BRD3: variants seen among roughly 807,000 people sequenced by gnomAD.
BRD3 encodes the protein bromodomain containing 3.
A neutral mutation model predicts 66.8 loss-of-function variants in BRD3; 17 were observed. The ratio of observed to expected loss-of-function variants is 0.25; its 90% CI spans 0.17 to 0.38. BRD3 has a LOEUF of 0.38. Ranked by LOEUF, BRD3 falls within the 10% of genes least tolerant of loss-of-function variation. The probability of loss-of-function intolerance (pLI) is 1.00; values close to 1 mark genes in which losing one functional copy is unlikely to be tolerated. For synonymous variants in BRD3, 421 were observed against 393.2 expected (o/e 1.07, Z -0.84); for missense variants, 713 against 956.1 (o/e 0.75, Z 3.35).
chr9:134,050,704 C>T (rs981817331), intron 4 of BRD3, 116 bp from the exon 5 acceptor site: 7 of 812,242 alleles, frequency 8.6e-6, no homozygotes, highest in South Asian at 3.4e-5. Flanking sequence ...CCAAGACCGC[C>T]GGCCAGAAGA....
At chr9:134,044,725 A>G (rs1192405132) in intron 7 of BRD3, among the ~76,000 whole-genome samples, 4 of 152,278 alleles carry the variant, frequency 2.6e-5, no homozygotes, top group East Asian at 3.9e-4. Context: ...ACACACAAAT[A>G]TCTCTGTGAG....
At chr9:134,051,533 A>G (rs200899231) in intron 4 of BRD3, 29 bp downstream of exon 4, 4 of 1,502,766 alleles carry the variant, frequency 2.7e-6, no homozygotes, top group Non-Finnish European at 3.5e-6. Context: ...AGAGAGGCCC[A>G]GCCCCTCGCC....
chr9:134,040,213 T>C lies in BRD3; in HGVS notation c.1464A>G (p.Pro488=). The C allele has an allele frequency of 1.3e-6, 2 of 1,587,776 alleles. No homozygotes were observed. Among genetic ancestry groups the C allele is most frequent in the East Asian group, 2.3e-5 (1 of 43,916 alleles). The change falls in exon 9 of 12, where the codon CCA becomes CCG. Residue 488 remains proline, a synonymous_variant. Coordinates refer to ENST00000303407, the MANE Select transcript of BRD3 (RefSeq NM_007371.4). ...AALSQAPVNK[P]KKKKEKKEKE... is the part of the protein sequence containing the mutation. ...TCTCCTTCTTCTCCTTCTTCTTCTT[T>C]GGTTTGTTTACTGGGGCCTGAGACA...
At position 134,036,036 on chromosome 9, in the gene BRD3, C is replaced by T. The variant is rs146659036; in HGVS notation, c.1932G>A (p.Pro644=). Residue 644 remains proline, a synonymous_variant, in exon 10 of 12, where the codon CCG becomes CCA. Coordinates refer to ENST00000303407, the MANE Select transcript of BRD3 (RefSeq NM_007371.4). ...CGCTCCACGCAGGCAACTTACAGAA[C>T]GGTTTCCTTTGCTTTTTCTGTAAAC... ...KSCLQKKQRK[P]FSASGKKQAA... is the part of the protein sequence containing the mutation. 1.5e-5 allele frequency: 24 copies of T among 1,598,400 alleles called. No individual in the cohort carries two copies. Among genetic ancestry groups the T allele is most frequent in the South Asian group, 2.2e-5 (2 of 89,126 alleles).
Position 134,036,270 on chromosome 9 carries a change from C to T in BRD3, c.1698G>A (p.Glu566=). Residue 566 remains glutamate, a synonymous_variant, in exon 10 of 12, where the codon GAG becomes GAA. Coordinates refer to ENST00000303407, the MANE Select transcript of BRD3 (RefSeq NM_007371.4). The part of the protein sequence containing the change: ...QASASYDSEE[E]EEGLPMSYDE... ...CGTAGCTCATGGGCAGGCCCTCCTC[C>T]TCTTCCTCTGAGTCGTAGGAGGCAG... 1.2e-6 allele frequency: 2 copies of T among 1,613,804 alleles called. No homozygotes were observed. The highest frequency in any genetic ancestry group is 8.5e-7 in the Non-Finnish European group (1 of 1,179,880).
intron 3 of BRD3, among the ~76,000 whole-genome samples, 166 bp from the exon 4 acceptor site, chr9:134,051,875 G>GTGTGTGTGTGTGTA (rs1554829362): frequency 9.9e-6 from 1 of 101,012 alleles, no homozygotes; most frequent in African/African-American, 4.1e-5. Flanking sequence ...GTGTGTGTGT[G>GTGTGTGTGTGTGTA]TGTTGTTTTT....
Position 134,045,312 on chromosome 9 carries a change from G to A in BRD3, c.1196C>T (p.Ala399Val). 1 of 1,613,480 alleles carries A rather than the reference G, an allele frequency of 6.2e-7. No individual in the cohort carries two copies. The highest frequency in any genetic ancestry group is 8.5e-7 in the Non-Finnish European group (1 of 1,180,010). Residue 399 changes from alanine to valine, a missense_variant, in exon 7 of 12, where the codon GCC (alanine) becomes GTC (valine). By Grantham distance (64) the Ala-to-Val change is moderately conservative. Transcript: ENST00000303407. This position sits in a 1 kb window ranked among gnomAD's most constrained non-coding sequence, Gnocchi z 4.8. ...GGTTACCTGGAGCTTCCGGGCCATG[G>A]CCACAACCTCGTGGTCTGGGGGATT... Reference protein sequence around the residue: ...KYNPPDHEVVAMARKLQDVFE... With the variant: ...KYNPPDHEVVVMARKLQDVFE...
intron 1 of BRD3, among the ~76,000 whole-genome samples, chr9:134,060,038 C>T (rs952799103): frequency 3.9e-5 from 6 of 152,186 alleles, no homozygotes; most frequent in African/African-American, 1.4e-4. Flanking sequence ...GGCTCAGAGA[C>T]CCTCCCTGGG....
chr9:134,060,587 GACACACACAC>G (rs10661799), intron 1 of BRD3, among the ~76,000 whole-genome samples: 6 of 143,780 alleles, frequency 4.2e-5, no homozygotes, highest in Non-Finnish European at 7.6e-5. Flanking sequence ...GCAAGACCCT[GACACACACAC>G]ACACACACAC....
chr9:134,061,535 C>T (rs1334202876), intron 1 of BRD3, among the ~76,000 whole-genome samples: 1 of 152,212 alleles, frequency 6.6e-6, no homozygotes, highest in Non-Finnish European at 1.5e-5. Context: ...TAGGGGAGGC[C>T]TTTCCCAGGG....
At chr9:134,064,025 T>C (rs1442266384) in intron 1 of BRD3, among the ~76,000 whole-genome samples, 1 of 152,186 alleles carries the variant, frequency 6.6e-6, no homozygotes, top group Non-Finnish European at 1.5e-5. Context: ...CCGAAGGCCC[T>C]GTGAGGAGGC....
chr9:134,033,739 C>T lies in BRD3; in HGVS notation c.2066-34G>A, dbSNP rs759105893. The T allele has an allele frequency of 1.4e-5, 10 of 697,934 alleles. No homozygotes were observed. In the East Asian group the frequency reaches 2.7e-4, roughly 19 times the overall value. The allele number at this position is 697,934 out of a possible 1,614,324, so 43.2% of individuals were successfully genotyped here. On this transcript the variant is annotated intron_variant, in intron 11 of 11. Transcript: ENST00000303407. This position sits in a 1 kb window ranked among gnomAD's most constrained non-coding sequence, Gnocchi z 5.1. ...ACATGGGCAGGGAGATGCGCTCGCA[C>T]ACCCGCTTCTTGACCCGCTTGGCGG... is the stretch of plus-strand genomic sequence containing the variant.
intron 1 of BRD3, among the ~76,000 whole-genome samples, chr9:134,055,155 C>G (rs898646975): frequency 6.6e-6 from 1 of 152,200 alleles, no homozygotes; most frequent in African/African-American, 2.4e-5. Flanking sequence ...GCCACCACCA[C>G]TTGCAAGGAT....
chr9:134,036,454 C>T, intron 9 of BRD3, 130 bp from the exon 10 acceptor site: 5 of 1,577,202 alleles, frequency 3.2e-6, no homozygotes, highest in Non-Finnish European at 4.3e-6. Context: ...AAGTGGTGCC[C>T]CAAGGCAGAA....
In BRD3 at chr9:134,045,454, TGG is replaced by T; in HGVS notation, c.1087-35_1087-34del. ...ACACAGTGACAGGGGCCAGTGAGCG[TGG>T]CCCGTGGCATCAGGACTCTCTGCCA... On this transcript the variant is annotated intron_variant, in intron 6 of 11. Transcript: ENST00000303407. The surrounding 1 kb of genome is among the most constrained non-coding windows in gnomAD (Gnocchi z 4.8). 1 of 1,612,318 alleles carries T rather than the reference TGG, an allele frequency of 6.2e-7. No homozygotes were observed.
chr9:134,052,472 C>T (rs1461155008), intron 2 of BRD3, 29 bp from the exon 3 acceptor site: 5 of 1,587,086 alleles, frequency 3.2e-6, no homozygotes, highest in Non-Finnish European at 4.3e-6. Flanking sequence ...GAGGCATTAC[C>T]AGAAGATTCT....
rs1843510121 is a variant in BRD3, at chr9:134,031,367, CGTAT to C, written c.*2219_*2222del. Reference sequence around the variant, plus strand: ...CCAGGCACCCCCGGCTTAGGGTGTACGTATCACCCAGCCCTGTGCTGGCAGCACG... The same window carrying C: ...CCAGGCACCCCCGGCTTAGGGTGTACCACCCAGCCCTGTGCTGGCAGCACG... On this transcript the variant is annotated 3_prime_UTR_variant, in exon 12 of 12. Coordinates refer to ENST00000303407, the MANE Select transcript of BRD3 (RefSeq NM_007371.4). 4.8e-6 allele frequency: 1 copy of C among 207,674 alleles called. No homozygotes were observed. The highest frequency in any genetic ancestry group is 9.8e-6 in the Non-Finnish European group (1 of 101,890). The allele number at this position is 207,674 out of a possible 1,614,324, so 12.9% of individuals were successfully genotyped here. A position where few individuals can be genotyped will look rare whatever the true frequency, so the allele number is the denominator to read the frequency against.
Position 134,051,691 on chromosome 9 carries a change from G to A in BRD3, c.370C>T (p.Leu124=). 3.1e-6 allele frequency: 5 copies of A among 1,591,888 alleles called. No homozygotes were observed. The highest frequency in any genetic ancestry group is 4.3e-6 in the Non-Finnish European group (5 of 1,172,568). ...ATTTTCTCTAAAGCTTGGGCCATTAGCACTATGTCATCTGTGGGCTGAAGA... is the reference window on the plus strand; with the variant it reads ...ATTTTCTCTAAAGCTTGGGCCATTAACACTATGTCATCTGTGGGCTGAAGA... ...IYNKPTDDIV[L]MAQALEKIFL... is the part of the protein sequence containing the mutation. The change falls in exon 4 of 12, where the codon CTA becomes TTA. Residue 124 remains leucine, a synonymous_variant. Transcript: ENST00000303407.
chr9:134,050,436 C>A lies in BRD3; in HGVS notation c.652G>T (p.Ala218Ser). Residue 218 changes from alanine (A) to serine (S), a missense_variant, in exon 5 of 12, where the codon GCC becomes TCC. Physicochemically the swap from Ala to Ser is moderately conservative, Grantham distance 99 (BLOSUM62 1). Transcript: ENST00000303407. ...ATGGGTGTGGCAGGAGGAGGTGGGG[C>A]GGCAGCTGGGGGGACTGGGACCGAC... ...VTSVPVPPAA[A>S]PPPPATPIVP... The A allele has an allele frequency of 6.2e-7, 1 of 1,611,348 alleles. No homozygotes were observed. Among genetic ancestry groups the A allele is most frequent in the African/African-American group, 1.3e-5 (1 of 74,940 alleles).
Sources: gnomAD v4.1 joint callset for allele counts (sites outside exome capture counted in the v4.1 genomes callset) on GRCh38, gnomAD v4.1.1 for gene constraint, Gnocchi (gnomAD v3.1) non-coding constraint, MANE v1.5 for transcripts, NCBI Gene and HGNC (gene_info 2026-07-23, HGNC 2026-07-21) for gene names.